EFCAB7: variants seen among roughly 807,000 people sequenced by gnomAD.
EFCAB7 encodes EF-hand calcium-binding domain-containing protein 7.
In EFCAB7, 66 loss-of-function variants were observed where a neutral mutation model predicts 77.1. The ratio of observed to expected loss-of-function variants is 0.86; its 90% CI spans 0.70 to 1.05. EFCAB7 has a LOEUF of 1.05. Among genes scored for constraint, EFCAB7 ranks in the 50% least tolerant of loss-of-function variants. The pLI is 0.00. For synonymous variants in EFCAB7, 225 were observed against 243.3 expected, an observed-to-expected ratio of 0.92 and a Z score of 0.70; for missense variants, 638 against 730.5, an observed-to-expected ratio of 0.87 and a Z score of 1.46.
intron 6 of EFCAB7, among the ~76,000 whole-genome samples, chr1:63,544,750 C>T (rs1484703185): frequency 2.0e-5 from 3 of 152,140 alleles, no homozygotes; most frequent in East Asian, 3.9e-4. Flanking sequence ...TAGTTATCTA[C>T]ACTTGAAGCA....
chr1:63,533,202 TAATA>T (rs1019490350), intron 4 of EFCAB7, among the ~76,000 whole-genome samples: 1 of 152,120 alleles, frequency 6.6e-6, no homozygotes, highest in African/African-American at 2.4e-5. Context: ...AAAAAAATAA[TAATA>T]AATCACCTCT....
At chr1:63,559,056 C>CT (rs1423298826) in intron 10 of EFCAB7, among the ~76,000 whole-genome samples, 1 of 151,128 alleles carries the variant, frequency 6.6e-6, no homozygotes, top group African/African-American at 2.4e-5. Flanking sequence ...AATCCCAGCA[C>CT]TTTGGGAGGC....
In EFCAB7 at chr1:63,545,966, T is replaced by G. The variant is rs757910906; in HGVS notation, c.855T>G (p.Gly285=). 2 of 1,613,880 alleles carry G rather than the reference T, an allele frequency of 1.2e-6. No homozygotes were observed. Among genetic ancestry groups the G allele is most frequent in the Non-Finnish European group, 1.7e-6 (2 of 1,179,854 alleles). ...SKGCFFLEED[G]EIISHQYRMQ... is the part of the protein sequence containing the mutation. ...GTTGCTTCTTCTTAGAAGAAGATGG[T>G]GAAATCATTAGTCATCAGTACAGGA... The change falls in exon 7 of 14, where the codon GGT becomes GGG. Residue 285 remains glycine, a synonymous_variant. Coordinates refer to ENST00000371088, the MANE Select transcript of EFCAB7 (RefSeq NM_032437.4).
chr1:63,571,416 G>A (rs1403727613), intron 13 of EFCAB7, among the ~76,000 whole-genome samples: 1 of 152,092 alleles, frequency 6.6e-6, no homozygotes, highest in Non-Finnish European at 1.5e-5. Context: ...GCTCACGCCT[G>A]TAATCCCAGC....
chr1:63,555,193 A>G (rs1647016312), intron 8 of EFCAB7, 165 bp from the exon 9 acceptor site: 2 of 704,384 alleles, frequency 2.8e-6, no homozygotes, highest in South Asian at 6.9e-5. Context: ...AACAAAAAGA[A>G]TTTGAAACCT....
chr1:63,534,523 A>G (rs1413642186), intron 6 of EFCAB7, among the ~76,000 whole-genome samples: 1 of 152,136 alleles, frequency 6.6e-6, no homozygotes, highest in Non-Finnish European at 1.5e-5. Context: ...TAGGTGTTTC[A>G]TATAAATAAA....
intron 7 of EFCAB7, 121 bp from the exon 8 acceptor site, chr1:63,551,604 A>G: frequency 2.2e-6 from 1 of 448,002 alleles, no homozygotes; most frequent in Non-Finnish European, 3.7e-6. Flanking sequence ...AAAAAAAAAC[A>G]TGGAATATGT....
chr1:63,532,157 G>A lies in EFCAB7; in HGVS notation c.399+126G>A, dbSNP rs958712857. The A allele has an allele frequency of 1.7e-5, 12 of 704,982 alleles. No individual in the cohort carries two copies. The African/African-American group carries it at 2.2e-4, about 13-fold the overall frequency. The allele number at this position is 704,982 out of a possible 1,614,324, so 43.7% of individuals were successfully genotyped here. The stretch of plus-strand genomic sequence containing the variant: ...GAGAGGTTAAATGAATTACTTACAT[G>A]TTATTTATAACGTACTTAGGAATCC... On this transcript the variant is annotated intron_variant, in intron 3 of 13. Coordinates refer to ENST00000371088, the MANE Select transcript of EFCAB7 (RefSeq NM_032437.4).
intron 11 of EFCAB7, among the ~76,000 whole-genome samples, chr1:63,567,003 G>T (rs975114119): frequency 6.6e-6 from 1 of 151,686 alleles, no homozygotes; most frequent in African/African-American, 2.4e-5. Context: ...ACCAATTTGT[G>T]AATTTATTCA....
the EFCAB7 span, among the ~76,000 whole-genome samples, chr1:63,583,408 A>G: frequency 3.3e-5 from 5 of 152,178 alleles, no homozygotes; most frequent in Non-Finnish European, 5.9e-5. Context: ...GGTTCCATCA[A>G]TGCTTTGTCG....
chr1:63,566,425 A>T (rs1647173433), intron 11 of EFCAB7, among the ~76,000 whole-genome samples: 1 of 152,236 alleles, frequency 6.6e-6, no homozygotes, highest in African/African-American at 2.4e-5. Flanking sequence ...GTGATGAAAT[A>T]ATCTTACAAC....
At chr1:63,525,470 G>T in intron 1 of EFCAB7, 102 bp from the exon 2 acceptor site, 1 of 942,882 alleles carries the variant, frequency 1.1e-6, no homozygotes, top group Non-Finnish European at 1.5e-6. Flanking sequence ...TTTCTTCTAT[G>T]TATAAAATCT....
intron 4 of EFCAB7, among the ~76,000 whole-genome samples, chr1:63,532,992 A>G (rs931434240): frequency 5.3e-5 from 8 of 152,134 alleles, no homozygotes; most frequent in African/African-American, 1.9e-4. Flanking sequence ...AATATTGTGC[A>G]TGAAATTTAA....
chr1:63,523,653 T>C lies in EFCAB7; in HGVS notation c.-2+19T>C, dbSNP rs1200171422. ...GAATTAGGTAGCAAACAGCTCGCTG[T>C]CTCTGTCTCTTCGCTCCCTCTGTCC... is the stretch of plus-strand genomic sequence containing the variant. On this transcript the variant is annotated intron_variant, in intron 1 of 13. Transcript: ENST00000371088. The C allele has an allele frequency of 5.6e-6, 1 of 178,748 alleles. No homozygotes were observed. The highest frequency in any genetic ancestry group is 1.5e-4 in the East Asian group (1 of 6,824). 11.1% of individuals were successfully genotyped at this position (178,748 alleles called of 1,614,324 possible).
intron 3 of EFCAB7, 75 bp from the exon 4 acceptor site, chr1:63,532,595 G>T: frequency 1.8e-6 from 2 of 1,081,682 alleles, no homozygotes; most frequent in Non-Finnish European, 2.7e-6. Context: ...AGATTAAAAT[G>T]TGCTTCCACT....
At chr1:63,566,395 G>A (rs1647172990) in intron 11 of EFCAB7, among the ~76,000 whole-genome samples, 2 of 152,186 alleles carry the variant, frequency 1.3e-5, no homozygotes, top group South Asian at 4.2e-4. Context: ...TAACGAATGG[G>A]TACTGGGCTT....
rs183317339 is a variant in EFCAB7, at chr1:63,528,237, C to T, written c.187+2478C>T. ...AGTGGTACATATACACAGTGGAGTA[C>T]CATTCAGCTATCATAAAAAAGAATG... On this transcript the variant is annotated intron_variant, in intron 2 of 13. Coordinates refer to ENST00000371088, the MANE Select transcript of EFCAB7 (RefSeq NM_032437.4). 1.6e-4 allele frequency among the ~76,000 whole-genome samples: 24 copies of T among 152,132 alleles called. No individual in the cohort carries two copies. In the East Asian group the frequency reaches 3.9e-3, roughly 25 times the overall value.
At position 63,554,020 on chromosome 1, in the gene EFCAB7, G is replaced by A. The variant is rs75081680; in HGVS notation, c.1057-1338G>A. ...TTGTTATTTTTAGAGATAGGATCTC[G>A]CTATGTTGTCCAGGCTGGTCTCCAA... On this transcript the variant is annotated intron_variant, in intron 8 of 13. Coordinates refer to ENST00000371088, the MANE Select transcript of EFCAB7 (RefSeq NM_032437.4). Among the ~76,000 whole-genome samples, 1,050 of 151,992 alleles carry A rather than the reference G, an allele frequency of 6.9e-3. 14 individuals carry two copies. The highest frequency in any genetic ancestry group is 0.024 in the African/African-American group (984 of 41,460).
intron 6 of EFCAB7, among the ~76,000 whole-genome samples, chr1:63,537,563 A>C (rs774022743): frequency 1.3e-5 from 2 of 152,158 alleles, no homozygotes; most frequent in Non-Finnish European, 2.9e-5. Flanking sequence ...CCAGATAATA[A>C]TTTTCTTATA....
Sources: gnomAD v4.1 joint callset for allele counts (sites outside exome capture counted in the v4.1 genomes callset) on GRCh38, gnomAD v4.1.1 for gene constraint, MANE v1.5 for transcripts, NCBI Gene and HGNC (gene_info 2026-07-23, HGNC 2026-07-21) for gene names.